Variants in BCR observed in about 807,000 individuals in gnomAD.
BCR encodes the protein breakpoint cluster region protein.
BCR carries 58 observed loss-of-function variants against 138.6 expected under a neutral mutation model. The ratio of observed to expected loss-of-function variants is 0.42; its 90% confidence interval spans 0.34 to 0.52. The LOEUF is 0.52. BCR is among the 20% of genes least tolerant of loss of function. The pLI, the probability that BCR is intolerant of heterozygous loss-of-function variation, is 0.06. For synonymous variants in BCR, 786 were observed against 730.1 expected, an observed-to-expected ratio of 1.08 and a Z score of -1.23; for missense variants, 1,599 against 1,727.2, an observed-to-expected ratio of 0.93 and a Z score of 1.32.
intron 16 of BCR, chr22:23,306,319 A>C (rs1158362558): frequency 6.6e-6 from 1 of 152,356 alleles, no homozygotes; most frequent in African/African-American, 2.4e-5. Context: ...CCAGGGCTGC[A>C]CATTGCTCAG....
chr22:23,297,207 G>GTTTT lies in BCR; in HGVS notation c.3012+2055_3012+2058dup, dbSNP rs1307353327. Among the ~76,000 whole-genome samples, 165 of 97,344 alleles carry GTTTT rather than the reference G, an allele frequency of 1.7e-3. 14 individuals carry two copies. The highest frequency in any genetic ancestry group is 5.1e-3 in the African/African-American group (104 of 20,520). 63.9% of individuals were successfully genotyped at this position (97,344 alleles called of 152,430 possible). On this transcript the variant is annotated intron_variant, in intron 16 of 22. Transcript: ENST00000305877. ...GTGCCCCACCATGCCTGGCTAAGTTGTTTTTTGTTTTTTGTTTTTTTTTTT... is the reference window on the plus strand; with the variant it reads ...GTGCCCCACCATGCCTGGCTAAGTTGTTTTTTTTTTGTTTTTTGTTTTTTTTTTT...
intron 4 of BCR, chr22:23,263,098 G>A: frequency 1.4e-6 from 1 of 702,950 alleles, no homozygotes; most frequent in Non-Finnish European, 2.3e-6. Context: ...GGACAAGGAG[G>A]TCAGGTTTGG....
intron 1 of BCR, among the ~76,000 whole-genome samples, chr22:23,249,989 G>C (rs2073205379): frequency 6.6e-6 from 1 of 152,254 alleles, no homozygotes; most frequent in Non-Finnish European, 1.5e-5. Flanking sequence ...GTGAGACCTA[G>C]TCTCTCTGTC....
At chr22:23,184,644 A>G (rs1416235862) in intron 1 of BCR, among the ~76,000 whole-genome samples, 1 of 152,052 alleles carries the variant, frequency 6.6e-6, no homozygotes, top group Non-Finnish European at 1.5e-5. Flanking sequence ...CCTCATTATT[A>G]CCCAAAGTCC....
At position 23,181,310 on chromosome 22, in the gene BCR, C is replaced by T. The variant is rs1176415336; in HGVS notation, c.350C>T (p.Pro117Leu). Residue 117 changes from proline (P) to leucine (L), a missense_variant, in exon 1 of 23, where the codon CCC becomes CTC. Around this residue, in one of 4 missense-constraint regions of BCR, gnomAD observed 806 missense variants for 635.0 expected, o/e 1.27. Transcript: ENST00000305877. ...PPPAEEPEAR[P>L]DGEGSPGKAR... The stretch of plus-strand genomic sequence containing the variant: ...CCCGCCGAGGAGCCCGAGGCCCGGC[C>T]CGACGGCGAGGGTTCTCCGGGTAAG... The T allele has an allele frequency of 1.5e-6, 2 of 1,366,738 alleles. No individual in the cohort carries two copies. The highest frequency in any genetic ancestry group is 3.1e-5 in the East Asian group (1 of 32,564). The allele number at this position is 1,366,738 out of a possible 1,614,324, so 84.7% of individuals were successfully genotyped here.
chr22:23,187,940 TA>T (rs1285785205), intron 1 of BCR, among the ~76,000 whole-genome samples: 2 of 152,206 alleles, frequency 1.3e-5, no homozygotes, highest in East Asian at 3.8e-4. Flanking sequence ...TTAAGCAGCT[TA>T]ATTTGCCCTT....
chr22:23,193,149 T>C (rs1446607307), intron 1 of BCR, among the ~76,000 whole-genome samples: 2 of 152,244 alleles, frequency 1.3e-5, no homozygotes, highest in Non-Finnish European at 2.9e-5. Flanking sequence ...AAAGTGCTGC[T>C]GGGGTCAGTT....
At position 23,181,075 on chromosome 22, in the gene BCR, A is replaced by T; in HGVS notation, c.115A>T (p.Lys39Ter). The T allele has an allele frequency of 6.6e-7, 1 of 1,520,398 alleles. No individual in the cohort carries two copies. Among genetic ancestry groups the T allele is most frequent in the Non-Finnish European group, 8.9e-7 (1 of 1,128,606 alleles). 94.2% of individuals were successfully genotyped at this position (1,520,398 alleles called of 1,614,324 possible). The stretch of plus-strand genomic sequence containing the variant: ...CATCGAGCAGGAGCTGGAGCGCTGC[A>T]AGGCCTCCATTCGGCGCCTGGAGCA... ...GDIEQELERC[K>*]ASIRRLEQEV... The change falls in exon 1 of 23, where the codon AAG becomes TAG. Residue 39 changes from lysine to a stop codon, truncating the protein, a stop_gained. Coordinates refer to ENST00000305877, the MANE Select transcript of BCR (RefSeq NM_004327.4). LOFTEE classifies it high-confidence loss of function.
intron 4 of BCR, among the ~76,000 whole-genome samples, chr22:23,265,387 A>G (rs541655420): frequency 4.6e-5 from 7 of 152,328 alleles, no homozygotes; most frequent in African/African-American, 1.7e-4. Context: ...CCAGCTCAGT[A>G]GGGTTGGCCC....
chr22:23,259,323 C>T (rs1262662034), intron 2 of BCR, among the ~76,000 whole-genome samples: 3 of 152,190 alleles, frequency 2.0e-5, no homozygotes, highest in Non-Finnish European at 2.9e-5. Context: ...TGTGTCTTCA[C>T]ATAATGTTCC....
Position 23,317,866 on chromosome 22 carries a change from G to A in BCR, c.*2344G>A, listed in dbSNP as rs1282472236. ...ATGCCAGTGTGACCTCCCACAAGGC[G>A]TGGCTTCCAGACTCCCCGGCCGGAA... On this transcript the variant is annotated 3_prime_UTR_variant, in exon 23 of 23. Transcript: ENST00000305877. 1.7e-4 allele frequency: 24 copies of A among 141,608 alleles called. 3 individuals carry two copies. The highest frequency in any genetic ancestry group is 5.6e-5 in the African/African-American group (2 of 35,774). 8.8% of individuals were successfully genotyped at this position (141,608 alleles called of 1,614,324 possible).
At chr22:23,299,085 C>T (rs2073876511) in intron 16 of BCR, among the ~76,000 whole-genome samples, 1 of 152,208 alleles carries the variant, frequency 6.6e-6, no homozygotes, top group Non-Finnish European at 1.5e-5. Context: ...CAAGCTCCGC[C>T]TCCTGGGTTC....
At chr22:23,271,060 C>T (rs576929414) in intron 5 of BCR, among the ~76,000 whole-genome samples, 14 of 152,194 alleles carry the variant, frequency 9.2e-5, no homozygotes, top group Non-Finnish European at 1.8e-4. Context: ...AAAACAGTGA[C>T]GTGTGTTTAG....
chr22:23,281,120 A>G (rs1050691077), intron 8 of BCR, among the ~76,000 whole-genome samples: 16 of 152,240 alleles, frequency 1.1e-4, no homozygotes, highest in South Asian at 2.1e-4. Flanking sequence ...ACACACAGGG[A>G]CACACAGACG....
intron 9 of BCR, 56 bp from the exon 10 acceptor site, chr22:23,284,977 C>T: frequency 6.4e-7 from 1 of 1,568,186 alleles, no homozygotes; most frequent in Non-Finnish European, 8.7e-7. Flanking sequence ...ACAGCAGTGA[C>T]ATCAGCCATA....
intron 1 of BCR, among the ~76,000 whole-genome samples, chr22:23,202,036 A>G (rs1279333733): frequency 6.6e-6 from 1 of 152,208 alleles, no homozygotes; most frequent in African/African-American, 2.4e-5. Context: ...GAACGTTTCC[A>G]TGTATTAGTA....
rs142016784 is a variant in BCR at position 23,262,691 on chromosome 22, T to TGGCGGGCCCGGGTGAG, written c.1752+1174_1752+1189dup. 193 of 721,564 alleles carry TGGCGGGCCCGGGTGAG rather than the reference T, an allele frequency of 2.7e-4. 2 individuals carry two copies. The highest frequency in any genetic ancestry group is 9.5e-4 in the East Asian group (7 of 7,362). 44.7% of individuals were successfully genotyped at this position (721,564 alleles called of 1,614,324 possible). A position where few individuals can be genotyped will look rare whatever the true frequency, so the allele number is the denominator to read the frequency against. On this transcript the variant is annotated intron_variant, in intron 4 of 22. Transcript: ENST00000305877. Reference sequence around the variant, plus strand: ...CCGCTGGGTGTGGGGCCGCCGGGAATGGCGGGCCCGGGTGAGGGCGGGCCC... The same window carrying TGGCGGGCCCGGGTGAG: ...CCGCTGGGTGTGGGGCCGCCGGGAATGGCGGGCCCGGGTGAGGGCGGGCCCGGGTGAGGGCGGGCCC...
chr22:23,191,824 T>G (rs2072418689), intron 1 of BCR, among the ~76,000 whole-genome samples: 1 of 152,144 alleles, frequency 6.6e-6, no homozygotes, highest in South Asian at 2.1e-4. Context: ...GTGGTGGGTT[T>G]TTGGGGGCCT....
chr22:23,273,594 G>A, intron 7 of BCR, 40 bp from the exon 8 acceptor site: 9 of 1,610,878 alleles, frequency 5.6e-6, no homozygotes, highest in Non-Finnish European at 7.6e-6. Context: ...AGGTGCCAGT[G>A]CTCCTCTGTG....
Sources: allele counts gnomAD v4.1 joint callset (sites outside exome capture counted in the v4.1 genomes callset), GRCh38; gene constraint gnomAD v4.1.1; regional missense constraint gnomAD v4.1.1; transcripts MANE v1.5; gene names NCBI Gene and HGNC (gene_info 2026-07-23, HGNC 2026-07-21).